Variants in KCNIP1 observed in about 807,000 individuals in gnomAD.
The protein encoded by KCNIP1 is potassium voltage-gated channel interacting protein 1, also known as A-type potassium channel modulatory protein KCNIP1.
KCNIP1 carries 18 observed loss-of-function variants against 33.0 expected under a neutral mutation model. That is an observed-to-expected ratio of 0.55 (90% CI 0.38 to 0.81). The LOEUF (loss-of-function observed/expected upper bound fraction) is 0.81. Among genes scored for constraint, KCNIP1 ranks in the 30% least tolerant of loss-of-function variants. KCNIP1 has a pLI of 0.00. For missense variants in KCNIP1, 238 were observed against 271.6 expected, an observed-to-expected ratio of 0.88 and a Z score of 0.87; for synonymous variants, 93 against 98.3, an observed-to-expected ratio of 0.95 and a Z score of 0.32.
intron 1 of KCNIP1, among the ~76,000 whole-genome samples, chr5:170,478,688 C>T (rs928911151): frequency 6.6e-6 from 1 of 152,112 alleles, no homozygotes; most frequent in African/African-American, 2.4e-5. Flanking sequence ...AGAATTTTGG[C>T]ATCTTGGGTT....
intron 1 of KCNIP1, among the ~76,000 whole-genome samples, chr5:170,441,951 C>CAAAAAAAAAAAAAAA: frequency 1.4e-5 from 1 of 72,224 alleles, no homozygotes; most frequent in Non-Finnish European, 2.5e-5. Context: ...GACTCCATCT[C>CAAAAAAAAAAAAAAA]AAAAAAAAAA....
chr5:170,501,735 C>T (rs865866100), upstream of KCNIP1, among the ~76,000 whole-genome samples: 1 of 152,220 alleles, frequency 6.6e-6, no homozygotes, highest in Non-Finnish European at 1.5e-5. Context: ...CCAGTGGTAT[C>T]CCTGACAAGT....
chr5:170,724,724 G>A (rs995891110), intron 5 of KCNIP1, among the ~76,000 whole-genome samples: 2 of 152,058 alleles, frequency 1.3e-5, no homozygotes, highest in Non-Finnish European at 2.9e-5. Context: ...AAGAAAAATA[G>A]CATCAAAAAG....
At chr5:170,652,354 A>G (rs1761074484) in intron 1 of KCNIP1, among the ~76,000 whole-genome samples, 1 of 151,878 alleles carries the variant, frequency 6.6e-6, no homozygotes, top group African/African-American at 2.4e-5. Context: ...GTGTGATGAC[A>G]CATGCTTATA....
intron 1 of KCNIP1, among the ~76,000 whole-genome samples, chr5:170,667,948 C>T (rs1340853316): frequency 2.0e-5 from 3 of 152,222 alleles, no homozygotes; most frequent in Non-Finnish European, 4.4e-5. Context: ...TGAACTTCAA[C>T]ATTTTACAGA....
intron 1 of KCNIP1, among the ~76,000 whole-genome samples, chr5:170,685,248 G>T (rs1222350528): frequency 6.6e-6 from 1 of 151,540 alleles, no homozygotes; most frequent in Non-Finnish European, 1.5e-5. Flanking sequence ...CATTACTTCT[G>T]ATCTCAAAGG....
At chr5:170,519,765 A>G (rs1755286881) in intron 1 of KCNIP1, among the ~76,000 whole-genome samples, 1 of 152,166 alleles carries the variant, frequency 6.6e-6, no homozygotes, top group Admixed American at 6.5e-5. Context: ...GATGGGTAAT[A>G]AGAGTATGGA....
At chr5:170,445,345 C>T (rs1470554631) in intron 1 of KCNIP1, among the ~76,000 whole-genome samples, 2 of 152,186 alleles carry the variant, frequency 1.3e-5, no homozygotes, top group Non-Finnish European at 2.9e-5. Flanking sequence ...ATCGGAGAGT[C>T]AATGACTGTA....
In KCNIP1 at chr5:170,410,755, G is replaced by T. The variant is rs1444712998; in HGVS notation, c.88+56791G>T. Reference sequence around the variant, plus strand: ...GGAAAATATAAATTATTTGGATCAGGATAAAAAGGAAGAAATCAGTGGTGT... The same window carrying T: ...GGAAAATATAAATTATTTGGATCAGTATAAAAAGGAAGAAATCAGTGGTGT... On this transcript the variant is annotated intron_variant, in intron 1 of 7. Transcript: ENST00000377360. 2.0e-5 allele frequency among the ~76,000 whole-genome samples: 3 copies of T among 152,170 alleles called. No homozygotes were observed. The East Asian group carries it at 5.8e-4, about 29-fold the overall frequency.
intron 1 of KCNIP1, among the ~76,000 whole-genome samples, chr5:170,505,316 C>T (rs1754673481): frequency 6.6e-6 from 1 of 152,156 alleles, no homozygotes; most frequent in African/African-American, 2.4e-5. Flanking sequence ...CATGGCTGAT[C>T]TCACCATCCG....
intron 1 of KCNIP1, among the ~76,000 whole-genome samples, chr5:170,667,068 CTT>C (rs1319792448): frequency 6.6e-6 from 1 of 152,196 alleles, no homozygotes; most frequent in Non-Finnish European, 1.5e-5. Flanking sequence ...AATCCCAACA[CTT>C]TGAGAGGCCG....
intron 1 of KCNIP1, among the ~76,000 whole-genome samples, chr5:170,612,649 G>A (rs1759209373): frequency 6.6e-6 from 1 of 152,202 alleles, no homozygotes; most frequent in Admixed American, 6.5e-5. Flanking sequence ...TGGTTTAATG[G>A]AGTGGAGTCC....
intron 1 of KCNIP1, among the ~76,000 whole-genome samples, chr5:170,485,366 C>G (rs1376075108): frequency 6.6e-6 from 1 of 152,204 alleles, no homozygotes; most frequent in Non-Finnish European, 1.5e-5. Context: ...TTGCTCCTTC[C>G]TTCACCACAC....
intron 1 of KCNIP1, among the ~76,000 whole-genome samples, chr5:170,526,103 G>T (rs529820723): frequency 6.6e-6 from 1 of 152,148 alleles, no homozygotes; most frequent in Admixed American, 6.5e-5. Context: ...AGGCACTTTC[G>T]CCTGTGGCTG....
At chr5:170,507,389 A>G (rs995379580) in intron 1 of KCNIP1, among the ~76,000 whole-genome samples, 3 of 152,244 alleles carry the variant, frequency 2.0e-5, no homozygotes, top group Admixed American at 2.0e-4. Context: ...TCTCTGCTAC[A>G]TAAGTGGTCA....
intron 4 of KCNIP1, among the ~76,000 whole-genome samples, chr5:170,722,136 G>A (rs989762200): frequency 1.2e-4 from 18 of 152,156 alleles, no homozygotes; most frequent in Non-Finnish European, 1.9e-4. Context: ...ATGAGCTTCC[G>A]GGCACACTGC....
rs558811531 is a variant in KCNIP1, at chr5:170,489,231, C to T, written c.88+135267C>T. Among the ~76,000 whole-genome samples the T allele has an allele frequency of 2.0e-4, 30 of 152,310 alleles. 1 individual carries two copies. The South Asian group carries it at 6.0e-3, about 30-fold the overall frequency. On this transcript the variant is annotated intron_variant, in intron 1 of 7. Transcript: ENST00000377360. The surrounding 1 kb of genome is among the most constrained non-coding windows in gnomAD (Gnocchi z 4.3). ...ACTCCATCTGTCACCTCGGCACTTACCCCAAAAGATGGAGGACTGCTGGCA... is the reference window on the plus strand; with the variant it reads ...ACTCCATCTGTCACCTCGGCACTTATCCCAAAAGATGGAGGACTGCTGGCA...
intron 1 of KCNIP1, among the ~76,000 whole-genome samples, chr5:170,458,395 A>C (rs933189045): frequency 6.6e-6 from 1 of 152,224 alleles, no homozygotes; most frequent in Admixed American, 6.5e-5. Context: ...ACACATTGTC[A>C]TCAGGTTATC....
intron 1 of KCNIP1, among the ~76,000 whole-genome samples, chr5:170,653,466 T>G (rs1378618550): frequency 1.3e-5 from 2 of 152,170 alleles, no homozygotes; most frequent in East Asian, 1.9e-4. Context: ...AACTTGGTTT[T>G]GGGCAAAATT....
Sources: allele counts gnomAD v4.1 joint callset (sites outside exome capture counted in the v4.1 genomes callset), GRCh38; gene constraint gnomAD v4.1.1; non-coding constraint Gnocchi (gnomAD v3.1); transcripts MANE v1.5; gene names NCBI Gene and HGNC (gene_info 2026-07-23, HGNC 2026-07-21).